Variants in GLRA2 observed in about 807,000 individuals in gnomAD.
GLRA2 encodes glycine receptor subunit alpha-2.
In GLRA2, 11 loss-of-function variants were observed where a neutral mutation model predicts 31.6. The ratio of observed to expected loss-of-function variants is 0.35; its 90% CI spans 0.22 to 0.58. The LOEUF (loss-of-function observed/expected upper bound fraction) is 0.58. Among genes scored for constraint, GLRA2 ranks in the 20% least tolerant of loss-of-function variants. The pLI is 0.84. For synonymous variants in GLRA2, 132 were observed against 134.0 expected (o/e 0.99, Z 0.10); for missense variants, 212 against 351.8 (o/e 0.60, Z 3.18).
chrX:14,463,005 G>A, the GLRA2 span, among the ~76,000 whole-genome samples: 1 of 111,803 alleles, frequency 8.9e-6, no homozygotes, highest in South Asian at 3.8e-4. Context: ...GGTCTTTGAT[G>A]TTGGTGACCT....
intron 2 of GLRA2, among the ~76,000 whole-genome samples, chrX:14,566,737 C>T (rs894257481): frequency 2.0e-4 from 22 of 111,400 alleles, no homozygotes; most frequent in Non-Finnish European, 3.2e-4. Flanking sequence ...ACCATTCAGA[C>T]ATTTGCCTGC....
chrX:14,583,507 A>G (rs1395793221), intron 4 of GLRA2, among the ~76,000 whole-genome samples: 1 of 112,168 alleles, frequency 8.9e-6, no homozygotes, highest in Non-Finnish European at 1.9e-5. Context: ...GGGAGGCCGA[A>G]ATGGGTGGAT....
the GLRA2 span, among the ~76,000 whole-genome samples, chrX:14,515,036 T>C: frequency 2.7e-5 from 3 of 111,773 alleles, no homozygotes; most frequent in Admixed American, 2.9e-4. Flanking sequence ...CTTTTACTCT[T>C]ATTTTATTTT....
chrX:14,683,979 A>G (rs1300925630), intron 7 of GLRA2, among the ~76,000 whole-genome samples: 6 of 111,390 alleles, frequency 5.4e-5, no homozygotes, highest in Non-Finnish European at 1.9e-5. Context: ...TGTCTATGAC[A>G]TTAATTTGAT....
intron 2 of GLRA2, among the ~76,000 whole-genome samples, chrX:14,540,423 C>T (rs1298983472): frequency 2.7e-5 from 3 of 111,314 alleles, no homozygotes; most frequent in African/African-American, 9.8e-5. Flanking sequence ...ACCTTGCCCT[C>T]CTCCTGTTTT....
chrX:14,612,195 T>A (rs1481679361), intron 7 of GLRA2, among the ~76,000 whole-genome samples: 1 of 111,521 alleles, frequency 9.0e-6, no homozygotes, highest in Non-Finnish European at 1.9e-5. Flanking sequence ...AAAGAAGAGA[T>A]TTATGCAACC....
At chrX:14,534,276 T>C (rs1283023189) in intron 2 of GLRA2, among the ~76,000 whole-genome samples, 2 of 109,557 alleles carry the variant, frequency 1.8e-5, no homozygotes, top group Non-Finnish European at 3.8e-5. Flanking sequence ...TTTAATGACT[T>C]ATAAAAAAGA....
chrX:14,618,027 C>T (rs1465332043), intron 7 of GLRA2, among the ~76,000 whole-genome samples: 1 of 111,862 alleles, frequency 8.9e-6, no homozygotes, highest in Non-Finnish European at 1.9e-5. Context: ...ACTTTAGTGT[C>T]CTTGGAACAA....
chrX:14,493,506 T>C, the GLRA2 span, among the ~76,000 whole-genome samples: 1 of 104,479 alleles, frequency 9.6e-6, no homozygotes, highest in Non-Finnish European at 2.0e-5. Flanking sequence ...AGGCTGAACA[T>C]ATATATATAT....
At chrX:14,526,874 C>T (rs1281963671), upstream of GLRA2, among the ~76,000 whole-genome samples, 1 of 111,219 alleles carries the variant, frequency 9.0e-6, no homozygotes, top group Non-Finnish European at 1.9e-5. Flanking sequence ...GAGGAGACAG[C>T]CTAGAATATA....
chrX:14,473,403 T>C, the GLRA2 span, among the ~76,000 whole-genome samples: 1 of 112,044 alleles, frequency 8.9e-6, no homozygotes, highest in South Asian at 3.7e-4. Flanking sequence ...AAGATCCTTT[T>C]AGGAATCTGA....
At chrX:14,495,560 C>T in the GLRA2 span, among the ~76,000 whole-genome samples, 1 of 108,473 alleles carries the variant, frequency 9.2e-6, no homozygotes, top group Non-Finnish European at 1.9e-5. Context: ...TTCTGACCCA[C>T]CATATATATA....
At chrX:14,681,420 G>A (rs2091200558) in intron 7 of GLRA2, among the ~76,000 whole-genome samples, 1 of 110,387 alleles carries the variant, frequency 9.1e-6, no homozygotes, top group Non-Finnish European at 1.9e-5. Context: ...ATCCATCATA[G>A]ATCCATCCAC....
chrX:14,601,374 G>A (rs1438245858), intron 4 of GLRA2, among the ~76,000 whole-genome samples: 3 of 111,576 alleles, frequency 2.7e-5, no homozygotes, highest in African/African-American at 9.7e-5. Flanking sequence ...GATTGTAATA[G>A]CAAAAAATTA....
intron 7 of GLRA2, among the ~76,000 whole-genome samples, chrX:14,620,649 A>G (rs775650497): frequency 3.4e-4 from 38 of 111,154 alleles, no homozygotes; most frequent in Non-Finnish European, 6.8e-4. Flanking sequence ...TTTATCACAA[A>G]ATGGGGACTG....
intron 3 of GLRA2, among the ~76,000 whole-genome samples, chrX:14,578,632 G>A (rs1419774507): frequency 2.7e-5 from 3 of 111,485 alleles, no homozygotes; most frequent in South Asian, 3.7e-4. Flanking sequence ...TGAGTTTACC[G>A]TTTTCTTTTA....
At chrX:14,626,601 A>G (rs2090591258) in intron 7 of GLRA2, among the ~76,000 whole-genome samples, 1 of 111,722 alleles carries the variant, frequency 9.0e-6, no homozygotes, top group South Asian at 3.7e-4. Context: ...TATCAGCTGT[A>G]GCCATTTTAA....
chrX:14,596,685 A>G (rs1218807699), intron 4 of GLRA2, among the ~76,000 whole-genome samples: 1 of 111,295 alleles, frequency 9.0e-6, no homozygotes, highest in Non-Finnish European at 1.9e-5. Context: ...AAGGAGTGCT[A>G]CTGTTACTGA....
At chrX:14,680,151 G>C (rs1416338357) in intron 7 of GLRA2, among the ~76,000 whole-genome samples, 2 of 112,248 alleles carry the variant, frequency 1.8e-5, no homozygotes, top group African/African-American at 6.5e-5. Context: ...GACTGAATTT[G>C]ATCCATGGAC....
Sources: allele counts gnomAD v4.1 joint callset (sites outside exome capture counted in the v4.1 genomes callset), GRCh38; gene constraint gnomAD v4.1.1; transcripts MANE v1.5; gene names NCBI Gene and HGNC (gene_info 2026-07-23, HGNC 2026-07-21).